CDH13: variants seen among roughly 807,000 people sequenced by gnomAD.
CDH13 encodes the protein cadherin-13.
In CDH13, 24 loss-of-function variants were observed where a neutral mutation model predicts 63.8. The observed-to-expected ratio is 0.38, with a 90% CI of 0.27 to 0.53. The LOEUF (loss-of-function observed/expected upper bound fraction) is 0.53, where lower values mean the gene tolerates loss of function less well. Ranked by LOEUF, CDH13 falls within the 20% of genes least tolerant of loss-of-function variation. The pLI, the probability that CDH13 is intolerant of heterozygous loss-of-function variation, is 0.85. For synonymous variants in CDH13, 503 were observed against 355.3 expected, an observed-to-expected ratio of 1.42 and a Z score of -4.67; for missense variants, 1,049 against 903.1, an observed-to-expected ratio of 1.16 and a Z score of -2.07.
At chr16:82,738,242 C>G (rs56408967) in intron 1 of CDH13, among the ~76,000 whole-genome samples, 1 of 152,170 alleles carries the variant, frequency 6.6e-6, no homozygotes, top group African/African-American at 2.4e-5. Context: ...TCAGTCACTT[C>G]CATTGTAAAA....
chr16:83,003,218 A>C (rs1385045489), intron 2 of CDH13, among the ~76,000 whole-genome samples: 1 of 152,198 alleles, frequency 6.6e-6, no homozygotes, highest in Admixed American at 6.5e-5. Flanking sequence ...AGGCCAATGC[A>C]AATATATTTT....
intron 3 of CDH13, among the ~76,000 whole-genome samples, chr16:83,105,910 T>C (rs1277135185): frequency 6.6e-6 from 1 of 152,192 alleles, no homozygotes; most frequent in Non-Finnish European, 1.5e-5. Flanking sequence ...AACGACACAA[T>C]GAAGGCATGA....
chr16:83,049,131 C>T (rs536050340), intron 3 of CDH13, among the ~76,000 whole-genome samples: 15 of 152,002 alleles, frequency 9.9e-5, no homozygotes, highest in African/African-American at 2.2e-4. Flanking sequence ...ATTAAGCAAG[C>T]GATACTTAAT....
intron 5 of CDH13, among the ~76,000 whole-genome samples, chr16:83,277,075 G>A (rs1412269793): frequency 6.6e-6 from 1 of 152,040 alleles, no homozygotes; most frequent in Admixed American, 6.6e-5. Flanking sequence ...GATGAAATTT[G>A]GGTGGCAACA....
chr16:83,654,498 C>G (rs996539032), intron 8 of CDH13, among the ~76,000 whole-genome samples: 1 of 151,976 alleles, frequency 6.6e-6, no homozygotes, highest in African/African-American at 2.4e-5. Context: ...TGCAAGATGT[C>G]GGGATCAGGG....
chr16:83,328,890 A>G (rs1236565563), intron 5 of CDH13, among the ~76,000 whole-genome samples: 1 of 152,188 alleles, frequency 6.6e-6, no homozygotes, highest in Non-Finnish European at 1.5e-5. Flanking sequence ...CCACACTAGC[A>G]GGGATAAAAG....
At chr16:83,119,651 G>A (rs971347645) in intron 3 of CDH13, among the ~76,000 whole-genome samples, 12 of 152,164 alleles carry the variant, frequency 7.9e-5, no homozygotes, top group Non-Finnish European at 1.5e-4. Flanking sequence ...TTCTGGCCAC[G>A]GATTGGCACC....
At chr16:83,286,398 G>A (rs185918780) in intron 5 of CDH13, among the ~76,000 whole-genome samples, 2 of 152,096 alleles carry the variant, frequency 1.3e-5, no homozygotes, top group Non-Finnish European at 2.9e-5. Context: ...AATTTAAAAG[G>A]CATGCTCCCT....
intron 4 of CDH13, among the ~76,000 whole-genome samples, chr16:83,155,486 G>A (rs1401470248): frequency 6.6e-6 from 1 of 152,150 alleles, no homozygotes; most frequent in African/African-American, 2.4e-5. Context: ...GCCTTTCTTG[G>A]TCCATCTTTT....
chr16:83,189,271 C>T (rs2038622702), intron 4 of CDH13, among the ~76,000 whole-genome samples: 2 of 152,184 alleles, frequency 1.3e-5, no homozygotes, highest in Admixed American at 1.3e-4. Flanking sequence ...CTCAGGCCTC[C>T]AGCCCCTCAT....
intron 4 of CDH13, among the ~76,000 whole-genome samples, chr16:83,179,754 T>C (rs760583484): frequency 2.0e-5 from 3 of 152,166 alleles, no homozygotes; most frequent in African/African-American, 4.8e-5. Context: ...TTTCTGGAAT[T>C]GCAGTCTTTT....
In CDH13 at chr16:83,357,490, C is replaced by A. The variant is rs557521934; in HGVS notation, c.781+12484C>A. ...AATATTGACCCACGCAACTAAAACTCAGGTAACCCAAGAGACTACTACTGC... is the reference window on the plus strand; with the variant it reads ...AATATTGACCCACGCAACTAAAACTAAGGTAACCCAAGAGACTACTACTGC... On this transcript the variant is annotated intron_variant, in intron 6 of 13. Coordinates refer to ENST00000567109, the MANE Select transcript of CDH13 (RefSeq NM_001257.5). 3.9e-5 allele frequency among the ~76,000 whole-genome samples: 6 copies of A among 152,270 alleles called. No homozygotes were observed. In the East Asian group the frequency reaches 1.2e-3, roughly 29 times the overall value.
chr16:83,524,812 TGA>T (rs1341062887), intron 7 of CDH13, among the ~76,000 whole-genome samples: 2 of 152,136 alleles, frequency 1.3e-5, no homozygotes, highest in Non-Finnish European at 2.9e-5. Context: ...CCTGTAGCAC[TGA>T]GAGTGTCAAG....
intron 1 of CDH13, among the ~76,000 whole-genome samples, chr16:82,658,564 G>A (rs1043180687): frequency 1.3e-5 from 2 of 152,184 alleles, no homozygotes; most frequent in Admixed American, 6.5e-5. Context: ...CTTATTAGCT[G>A]TATGAACTTG....
chr16:82,932,035 G>T (rs528322246), intron 2 of CDH13, among the ~76,000 whole-genome samples: 50 of 152,184 alleles, frequency 3.3e-4, no homozygotes, highest in South Asian at 1.2e-3. Context: ...GATAGCTTGT[G>T]GGGGGAAAAT....
At chr16:82,912,941 TAA>T (rs761888655) in intron 2 of CDH13, among the ~76,000 whole-genome samples, 55 of 128,964 alleles carry the variant, frequency 4.3e-4, no homozygotes, top group Admixed American at 6.3e-4. Context: ...AGACTGTGAC[TAA>T]AAAAAAAAAA....
In CDH13 at chr16:82,880,781, A is replaced by T. The variant is rs376595920; in HGVS notation, c.157+22308A>T. Among the ~76,000 whole-genome samples, 5 of 152,286 alleles carry T rather than the reference A, an allele frequency of 3.3e-5. No individual in the cohort carries two copies. The East Asian group carries it at 9.6e-4, about 29-fold the overall frequency. ...ATGACTAATATTGATATTAAGGTCAACTCTAGTTTTATGATACCAAGGCAA... is the reference window on the plus strand; with the variant it reads ...ATGACTAATATTGATATTAAGGTCATCTCTAGTTTTATGATACCAAGGCAA... On this transcript the variant is annotated intron_variant, in intron 2 of 13. Transcript: ENST00000567109.
intron 7 of CDH13, among the ~76,000 whole-genome samples, chr16:83,588,294 G>A (rs899702833): frequency 1.3e-5 from 2 of 152,224 alleles, no homozygotes; most frequent in Admixed American, 1.3e-4. Flanking sequence ...GCCCATGCCT[G>A]CCTTTGGACC....
chr16:83,093,102 T>A (rs1436650732), intron 3 of CDH13, among the ~76,000 whole-genome samples: 1 of 152,116 alleles, frequency 6.6e-6, no homozygotes, highest in African/African-American at 2.4e-5. Flanking sequence ...TCACTCAACC[T>A]CCATCTATAA....
Sources: allele counts gnomAD v4.1 joint callset (sites outside exome capture counted in the v4.1 genomes callset), GRCh38; gene constraint gnomAD v4.1.1; transcripts MANE v1.5; gene names NCBI Gene and HGNC (gene_info 2026-07-23, HGNC 2026-07-21).